The following SSX5 variants were observed in gnomAD, a reference collection of about 807,000 sequenced individuals.
SSX5 encodes protein SSX5.
In SSX5, 14 loss-of-function variants were observed where a neutral mutation model predicts 14.9. The ratio of observed to expected loss-of-function variants is 0.94; its 90% CI spans 0.62 to 1.47. The LOEUF (loss-of-function observed/expected upper bound fraction) is 1.47. Among genes scored for constraint, SSX5 ranks in the 40% most tolerant of loss-of-function variants. SSX5 has a pLI of 0.00. For missense variants in SSX5, 204 were observed against 154.6 expected, an observed-to-expected ratio of 1.32 and a Z score of -1.70; for synonymous variants, 70 against 55.4, an observed-to-expected ratio of 1.26 and a Z score of -1.17.
At chrX:48,190,553 A>G (rs1193596368) in intron 5 of SSX5, among the ~76,000 whole-genome samples, 5 of 111,954 alleles carry the variant, frequency 4.5e-5, no homozygotes, top group African/African-American at 1.6e-4. Flanking sequence ...AGAGTTTGGT[A>G]TACAGAAGAT....
chrX:48,195,322 C>A lies in SSX5; in HGVS notation c.37G>T (p.Val13Phe). The change falls in exon 2 of 8, where the codon GTT becomes TTT. Residue 13 changes from valine (V) to phenylalanine (F), a missense_variant. Transcript: ENST00000347757. ...GDDAFVRRPR[V>F]GSQIPEKMQK... Reference sequence around the variant, plus strand: ...ATCTTCTCTGGTATTTGAGAACCAACCCTAGGTCTCCGTACAAAGGCATCG... The same window carrying A: ...ATCTTCTCTGGTATTTGAGAACCAAACCTAGGTCTCCGTACAAAGGCATCG... 3.3e-6 allele frequency: 4 copies of A among 1,211,713 alleles called. No individual in the cohort carries two copies. Among genetic ancestry groups the A allele is most frequent in the Non-Finnish European group, 4.5e-6 (4 of 895,490 alleles).
chrX:48,186,811 C>A lies in SSX5; in HGVS notation c.*50G>T, dbSNP rs7061112. On this transcript the variant is annotated 3_prime_UTR_variant, in exon 8 of 8. Transcript: ENST00000347757. ...AGCCATGCCCATGTTCGTGAAAGGT[C>A]ACCACGTTCTGCTTCTCATCATGGG... 1.8e-3 allele frequency: 2,205 copies of A among 1,196,322 alleles called. 30 individuals are homozygous for A. In the African/African-American group the frequency reaches 0.034, roughly 19 times the overall value.
chrX:48,187,231 G>A (rs1556923952), intron 7 of SSX5, among the ~76,000 whole-genome samples: 1 of 111,055 alleles, frequency 9.0e-6, no homozygotes, highest in Non-Finnish European at 1.9e-5. Flanking sequence ...GGAGGCAGAT[G>A]GATCACGAGG....
chrX:48,190,100 C>A, intron 6 of SSX5, 33 bp downstream of exon 6: 1 of 1,207,065 alleles, frequency 8.3e-7, no homozygotes, highest in Admixed American at 2.2e-5. Context: ...CGAGAAAAGC[C>A]AGAGTGGTTG....
At position 48,187,642 on chromosome X, in the gene SSX5, C is replaced by T; in HGVS notation, c.556G>A (p.Asp186Asn). 1 of 1,209,525 alleles carries T rather than the reference C, an allele frequency of 8.3e-7. No homozygotes were observed. Among genetic ancestry groups the T allele is most frequent in the Non-Finnish European group, 1.1e-6 (1 of 894,973 alleles). The change falls in exon 7 of 8, where the codon GAT (aspartate) becomes AAT (asparagine). Residue 186 changes from aspartate to asparagine, a missense_variant. Asp to Asn is a conservative substitution (Grantham distance 23). Coordinates refer to ENST00000347757, the MANE Select transcript of SSX5 (RefSeq NM_175723.2). Reference sequence around the variant, plus strand: ...GTTCACTTACGGAGTTACTCGTCATCTTCCTGAGGGTCGCTGATCTCTTCA... The same window carrying T: ...GTTCACTTACGGAGTTACTCGTCATTTTCCTGAGGGTCGCTGATCTCTTCA... ...IYEEISDPQE[D>N]DE
Position 48,194,851 on chromosome X carries a change from A to G in SSX5, c.73T>C (p.Phe25Leu), listed in dbSNP as rs1556925494. The change falls in exon 3 of 8, where the codon TTC (phenylalanine) becomes CTC (leucine). Residue 25 changes from phenylalanine to leucine, a missense_variant. By Grantham distance (22) the Phe-to-Leu change is conservative. Transcript: ENST00000347757. ...GAGAAGTATTTGGCAATATCATCGA[A>G]GGCCTAGAAAAAAAAAAAGGATTTC... ...SQIPEKMQKA[F>L]DDIAKYFSEK... is the part of the protein sequence containing the mutation. 8.3e-7 allele frequency: 1 copy of G among 1,202,763 alleles called. No homozygotes were observed. Among genetic ancestry groups the G allele is most frequent in the Admixed American group, 2.3e-5 (1 of 44,183 alleles).
chrX:48,195,244 A>G (rs2059436281), intron 2 of SSX5, 46 bp downstream of exon 2: 1 of 1,204,871 alleles, frequency 8.3e-7, no homozygotes, highest in African/African-American at 1.8e-5. Context: ...TGATCACCCC[A>G]CACTGTCCCC....
chrX:48,196,055 G>A lies in SSX5; in HGVS notation c.-21+676C>T, dbSNP rs1405364330. ...AATCCCAGCACATTGGGAGGCCAAG[G>A]CGTGCAGATCGCTTGAGCCCAGGAG... On this transcript the variant is annotated intron_variant, in intron 1 of 7. Transcript: ENST00000347757. Among the ~76,000 whole-genome samples the A allele has an allele frequency of 2.7e-5, 3 of 111,142 alleles. No homozygotes were observed. In the East Asian group the frequency reaches 8.5e-4, roughly 31 times the overall value.
At chrX:48,189,721 C>A (rs1241218763) in intron 6 of SSX5, among the ~76,000 whole-genome samples, 13 of 111,885 alleles carry the variant, frequency 1.2e-4, no homozygotes, top group Non-Finnish European at 2.4e-4. Context: ...CATGCAATAT[C>A]TCTGAAGTAC....
chrX:48,193,657 G>A (rs1364378072), intron 4 of SSX5, among the ~76,000 whole-genome samples: 1 of 111,017 alleles, frequency 9.0e-6, no homozygotes, highest in Non-Finnish European at 1.9e-5. Flanking sequence ...GCTGAGACAG[G>A]AGAATCACTT....
chrX:48,191,504 C>A (rs1479125709), intron 5 of SSX5, among the ~76,000 whole-genome samples: 1 of 110,901 alleles, frequency 9.0e-6, no homozygotes, highest in African/African-American at 3.3e-5. Flanking sequence ...CAGACAAGGC[C>A]CTCAAGGAGC....
At chrX:48,193,067 C>G (rs1325508942) in intron 4 of SSX5, among the ~76,000 whole-genome samples, 2 of 111,845 alleles carry the variant, frequency 1.8e-5, no homozygotes, top group African/African-American at 6.5e-5. Context: ...CACTCCCGAG[C>G]TCATCACAGA....
At chrX:48,193,173 T>G (rs2146572341) in intron 4 of SSX5, among the ~76,000 whole-genome samples, 1 of 111,635 alleles carries the variant, frequency 9.0e-6, no homozygotes, top group South Asian at 3.8e-4. Flanking sequence ...TCACCTTCAC[T>G]CCTAAGATAG....
At chrX:48,196,378 T>G (rs1261352481) in intron 1 of SSX5, among the ~76,000 whole-genome samples, 1 of 94,470 alleles carries the variant, frequency 1.1e-5, no homozygotes, top group African/African-American at 3.9e-5. Context: ...TTTGAGTGAG[T>G]TTTTTTTTTT....
chrX:48,189,201 A>G (rs1381671750), intron 6 of SSX5, among the ~76,000 whole-genome samples: 1 of 112,379 alleles, frequency 8.9e-6, no homozygotes, highest in Non-Finnish European at 1.9e-5. Flanking sequence ...GAAGGTGGCT[A>G]CACTAAACAA....
chrX:48,186,387 TGTGTGTGTGTGTGTGTGCGC>T lies in SSX5; in HGVS notation c.*454_*473del. ...CTTGGTGTGTGTGTGTGTGTGTGTG[TGTGTGTGTGTGTGTGTGCGC>T]GCGCGCGCGCATGTGTGTCTGTGTG... On this transcript the variant is annotated 3_prime_UTR_variant, in exon 8 of 8. Transcript: ENST00000347757. 1 of 228,528 alleles carries T rather than the reference TGTGTGTGTGTGTGTGTGCGC, an allele frequency of 4.4e-6. No individual in the cohort carries two copies. The highest frequency in any genetic ancestry group is 5.7e-5 in the South Asian group (1 of 17,592). The allele number at this position is 228,528 out of a possible 1,213,427, so 18.8% of individuals were successfully genotyped here.
intron 5 of SSX5, among the ~76,000 whole-genome samples, chrX:48,192,019 T>C (rs141569488): frequency 1.6e-3 from 175 of 112,298 alleles, no homozygotes; most frequent in African/African-American, 5.3e-3. Context: ...GTGAACTGCT[T>C]AAAATAGTAT....
chrX:48,192,981 C>T (rs1380235970), intron 4 of SSX5, among the ~76,000 whole-genome samples: 1 of 112,046 alleles, frequency 8.9e-6, no homozygotes, highest in Non-Finnish European at 1.9e-5. Flanking sequence ...GTCTTTTTTT[C>T]ACCCCATGTT....
intron 3 of SSX5, 120 bp downstream of exon 3, chrX:48,194,620 C>G: frequency 1.2e-6 from 1 of 841,056 alleles, no homozygotes; most frequent in Non-Finnish European, 1.7e-6. Context: ...AGCTGCCTTG[C>G]CATTTTTCCC....
Sources: gnomAD v4.1 joint callset for allele counts (sites outside exome capture counted in the v4.1 genomes callset) on GRCh38, gnomAD v4.1.1 for gene constraint, MANE v1.5 for transcripts, NCBI Gene and HGNC (gene_info 2026-07-23, HGNC 2026-07-21) for gene names.